Variants in PRKCE observed in about 807,000 individuals in gnomAD.
The protein encoded by PRKCE is protein kinase C epsilon type.
A neutral mutation model predicts 85.4 loss-of-function variants in PRKCE; 16 were observed. That is an observed-to-expected ratio of 0.19 (90% CI 0.13 to 0.28). The LOEUF (loss-of-function observed/expected upper bound fraction) is 0.28, where lower values mean the gene tolerates loss of function less well. Ranked by LOEUF, PRKCE falls within the 10% of genes least tolerant of loss-of-function variation. The pLI, the probability that PRKCE is intolerant of heterozygous loss-of-function variation, is 1.00. For missense variants in PRKCE, 573 were observed against 975.2 expected (o/e 0.59, Z 5.49); for synonymous variants, 388 against 371.5 (o/e 1.04, Z -0.51).
intron 1 of PRKCE, among the ~76,000 whole-genome samples, chr2:45,703,025 C>CCA (rs966269227): frequency 1.3e-5 from 2 of 151,254 alleles, no homozygotes; most frequent in Middle Eastern, 3.2e-3. Context: ...CTTTTTTCCC[C>CCA]CCCCGTCAGG....
At chr2:45,806,815 C>T (rs1017459087) in intron 1 of PRKCE, among the ~76,000 whole-genome samples, 11 of 152,124 alleles carry the variant, frequency 7.2e-5, no homozygotes, top group Admixed American at 2.0e-4. Context: ...ATACCATGTA[C>T]GTCAGGGACT....
intron 1 of PRKCE, among the ~76,000 whole-genome samples, chr2:45,795,434 G>A (rs1403662845): frequency 2.6e-5 from 4 of 151,934 alleles, no homozygotes; most frequent in South Asian, 4.2e-4. Flanking sequence ...TCAGCCTCCC[G>A]AGTAGCTGGG....
chr2:45,787,057 C>T (rs918301572), intron 1 of PRKCE, among the ~76,000 whole-genome samples: 1 of 152,078 alleles, frequency 6.6e-6, no homozygotes, highest in South Asian at 2.1e-4. Context: ...GAATAGAGAC[C>T]CTGAGTGAAT....
At chr2:45,876,979 C>T (rs1417388888) in intron 2 of PRKCE, among the ~76,000 whole-genome samples, 1 of 152,192 alleles carries the variant, frequency 6.6e-6, no homozygotes, top group Non-Finnish European at 1.5e-5. Flanking sequence ...TTAGTGACTA[C>T]TTTGGAAATT....
intron 11 of PRKCE, among the ~76,000 whole-genome samples, chr2:46,116,791 A>T (rs938119450): frequency 2.8e-4 from 43 of 152,138 alleles, no homozygotes; most frequent in Admixed American, 5.2e-4. Context: ...AAATAGGAGG[A>T]GTAAAAGCAT....
intron 1 of PRKCE, among the ~76,000 whole-genome samples, chr2:45,830,198 G>T (rs948633200): frequency 2.6e-5 from 4 of 151,962 alleles, no homozygotes; most frequent in Non-Finnish European, 1.5e-5. Flanking sequence ...CTCATTCAGG[G>T]ACCCATGCTC....
intron 7 of PRKCE, among the ~76,000 whole-genome samples, chr2:46,002,409 G>A (rs1027484146): frequency 1.3e-5 from 2 of 152,108 alleles, no homozygotes; most frequent in Non-Finnish European, 2.9e-5. Flanking sequence ...GCAATCTTCC[G>A]CCTAAATAGT....
intron 1 of PRKCE, among the ~76,000 whole-genome samples, chr2:45,722,285 A>G (rs953894787): frequency 6.6e-6 from 1 of 152,060 alleles, no homozygotes; most frequent in African/African-American, 2.4e-5. Context: ...CATCTCTGTG[A>G]TGCCTGGCTT....
intron 1 of PRKCE, among the ~76,000 whole-genome samples, chr2:45,714,006 A>G (rs901848522): frequency 3.9e-5 from 6 of 152,236 alleles, no homozygotes; most frequent in African/African-American, 1.4e-4. Context: ...ATGTTCTTTT[A>G]ATTTTACCAA....
chr2:45,806,316 C>T (rs1253409212), intron 1 of PRKCE, among the ~76,000 whole-genome samples: 1 of 152,180 alleles, frequency 6.6e-6, no homozygotes, highest in East Asian at 1.9e-4. Flanking sequence ...GTCAATGGTG[C>T]TGCCCTTAAC....
At position 45,704,653 on chromosome 2, in the gene PRKCE, T is replaced by G. The variant is rs117380992; in HGVS notation, c.348+52205T>G. ...AGTGAGCATCGCCACGCCAGTCTTT[T>G]AGAAGTATTGTGAGGATGAAATGCC... On this transcript the variant is annotated intron_variant, in intron 1 of 14. Transcript: ENST00000306156. Among the ~76,000 whole-genome samples, 266 of 152,332 alleles carry G rather than the reference T, an allele frequency of 1.7e-3. 6 individuals carry two copies. The East Asian group carries it at 0.036, about 20-fold the overall frequency.
intron 1 of PRKCE, among the ~76,000 whole-genome samples, chr2:45,742,454 G>A (rs1183089005): frequency 1.3e-5 from 2 of 151,284 alleles, no homozygotes; most frequent in Non-Finnish European, 2.9e-5. Flanking sequence ...AAAAAAACTA[G>A]GCAAAAGTCT....
intron 2 of PRKCE, among the ~76,000 whole-genome samples, chr2:45,940,556 T>G (rs1328467569): frequency 6.6e-6 from 1 of 152,134 alleles, no homozygotes; most frequent in Non-Finnish European, 1.5e-5. Context: ...AACACGTTAA[T>G]TGGAGCAAGA....
chr2:45,661,538 T>G lies in PRKCE; in HGVS notation c.348+9090T>G, dbSNP rs920550589. ...TTTGTTTTTTGTTTTTTGTTTTTTT[T>G]TTTTTTTTTAGAAGGAGTCTCGCTC... On this transcript the variant is annotated intron_variant, in intron 1 of 14. Transcript: ENST00000306156. 4.2e-5 allele frequency among the ~76,000 whole-genome samples: 6 copies of G among 141,338 alleles called. No individual in the cohort carries two copies. In the East Asian group the frequency reaches 1.0e-3, roughly 24 times the overall value. 92.7% of individuals were successfully genotyped at this position (141,338 alleles called of 152,430 possible).
At chr2:45,966,303 G>A (rs1701725367) in intron 2 of PRKCE, among the ~76,000 whole-genome samples, 1 of 152,160 alleles carries the variant, frequency 6.6e-6, no homozygotes, top group Non-Finnish European at 1.5e-5. Context: ...ACAAACGTGT[G>A]CGTGAGATAC....
At chr2:46,012,544 C>G (rs1351561741) in intron 10 of PRKCE, among the ~76,000 whole-genome samples, 1 of 152,160 alleles carries the variant, frequency 6.6e-6, no homozygotes, top group Non-Finnish European at 1.5e-5. Context: ...CTGTCCCCAG[C>G]AGGTAGCCCT....
At chr2:45,700,780 G>T (rs1055354856) in intron 1 of PRKCE, 3 of 152,234 alleles carry the variant, frequency 2.0e-5, no homozygotes, top group African/African-American at 7.2e-5. Flanking sequence ...AGTCACTGGG[G>T]TAGGCTCGGA....
At chr2:45,828,548 A>G (rs1161199964) in intron 1 of PRKCE, among the ~76,000 whole-genome samples, 2 of 152,270 alleles carry the variant, frequency 1.3e-5, no homozygotes, top group African/African-American at 4.8e-5. Context: ...CCAGGAAATT[A>G]TACTTTTCAA....
chr2:45,919,218 C>G (rs1158585459), intron 2 of PRKCE, among the ~76,000 whole-genome samples: 1 of 152,190 alleles, frequency 6.6e-6, no homozygotes, highest in Non-Finnish European at 1.5e-5. Flanking sequence ...TGGGCTGATG[C>G]CGTACGGACA....
Sources: allele counts gnomAD v4.1 joint callset (sites outside exome capture counted in the v4.1 genomes callset), GRCh38; gene constraint gnomAD v4.1.1; transcripts MANE v1.5; gene names NCBI Gene and HGNC (gene_info 2026-07-23, HGNC 2026-07-21).